The following L3MBTL4 variants were observed in gnomAD, a reference collection of about 807,000 sequenced individuals.
The protein encoded by L3MBTL4 is lethal(3)malignant brain tumor-like protein 4.
In L3MBTL4, 70 loss-of-function variants were observed where a neutral mutation model predicts 84.5. The observed-to-expected ratio is 0.83, with a 90% CI of 0.68 to 1.01. The LOEUF (loss-of-function observed/expected upper bound fraction) is 1.01. Ranked by LOEUF, L3MBTL4 falls within the 50% of genes least tolerant of loss-of-function variation. The pLI, the probability that L3MBTL4 is intolerant of heterozygous loss-of-function variation, is 0.00. For synonymous variants in L3MBTL4, 274 were observed against 259.8 expected, an observed-to-expected ratio of 1.05 and a Z score of -0.52; for missense variants, 715 against 754.8, an observed-to-expected ratio of 0.95 and a Z score of 0.62.
At chr18:6,148,420 A>G (rs1343383148) in intron 13 of L3MBTL4, among the ~76,000 whole-genome samples, 1 of 152,156 alleles carries the variant, frequency 6.6e-6, no homozygotes, top group African/African-American at 2.4e-5. Context: ...ATGTAGAAGC[A>G]TAAGATTTTG....
chr18:6,261,770 G>T (rs1165802412), intron 5 of L3MBTL4, among the ~76,000 whole-genome samples: 1 of 152,114 alleles, frequency 6.6e-6, no homozygotes, highest in African/African-American at 2.4e-5. Context: ...TCTTGCTCTG[G>T]CTGATGGGGC....
intron 16 of L3MBTL4, among the ~76,000 whole-genome samples, chr18:6,056,597 A>G (rs972200572): frequency 6.6e-6 from 1 of 152,134 alleles, no homozygotes; most frequent in African/African-American, 2.4e-5. Flanking sequence ...TGCGACAGGC[A>G]AGGAGACTCA....
chr18:5,996,822 T>C (rs1006006306), intron 16 of L3MBTL4, among the ~76,000 whole-genome samples: 1 of 152,190 alleles, frequency 6.6e-6, no homozygotes, highest in Non-Finnish European at 1.5e-5. Flanking sequence ...ACTTAAGCCC[T>C]ATTTAGATAC....
chr18:6,238,308 C>T (rs961549826), intron 9 of L3MBTL4, among the ~76,000 whole-genome samples: 6 of 152,110 alleles, frequency 3.9e-5, no homozygotes, highest in East Asian at 1.9e-4. Flanking sequence ...CCGAGACAGG[C>T]GGATCATGAG....
intron 5 of L3MBTL4, among the ~76,000 whole-genome samples, chr18:6,262,784 T>A (rs1023129302): frequency 6.6e-6 from 1 of 152,134 alleles, no homozygotes; most frequent in Non-Finnish European, 1.5e-5. Context: ...CAAAAGGACA[T>A]GCATCATTTC....
intron 4 of L3MBTL4, among the ~76,000 whole-genome samples, chr18:6,285,886 C>T (rs2049555239): frequency 6.6e-6 from 1 of 150,776 alleles, no homozygotes; most frequent in African/African-American, 2.4e-5. Flanking sequence ...GGCTGGAGTG[C>T]AGTGGTGCAA....
In L3MBTL4 at chr18:6,155,862, T is replaced by C. The variant is rs569521008; in HGVS notation, c.1096+15966A>G. On this transcript the variant is annotated intron_variant, in intron 13 of 18. Transcript: ENST00000317931. ...ATACAGCTCTCTTTCAGAATGCAAA[T>C]ACATAATGTTTACATTAAAAATACT... 2.0e-5 allele frequency among the ~76,000 whole-genome samples: 3 copies of C among 152,282 alleles called. No individual in the cohort carries two copies. The East Asian group carries it at 5.8e-4, about 29-fold the overall frequency.
At chr18:6,404,593 C>T (rs73375051) in intron 1 of L3MBTL4, among the ~76,000 whole-genome samples, 24,016 of 152,090 alleles carry the variant, frequency 0.16, 1,919 homozygotes, top group African/African-American at 0.17. Flanking sequence ...ACCTTCATTA[C>T]GGAAACCTTG....
intron 16 of L3MBTL4, among the ~76,000 whole-genome samples, chr18:6,018,218 C>T (rs936493205): frequency 7.9e-5 from 12 of 152,118 alleles, no homozygotes; most frequent in African/African-American, 1.7e-4. Flanking sequence ...GCTGGAAAGT[C>T]GAACCGAGGC....
At chr18:6,352,856 G>C (rs556599499) in intron 1 of L3MBTL4, among the ~76,000 whole-genome samples, 11 of 152,244 alleles carry the variant, frequency 7.2e-5, no homozygotes, top group African/African-American at 2.6e-4. Context: ...ACTTTAAATG[G>C]TCAAAAATAT....
At position 6,016,665 on chromosome 18, in the gene L3MBTL4, C is replaced by A. The variant is rs565243657; in HGVS notation, c.1445-47103G>T. On this transcript the variant is annotated intron_variant, in intron 16 of 18. Coordinates refer to ENST00000317931, the MANE Select transcript of L3MBTL4 (RefSeq NM_001330559.2). Reference sequence around the variant, plus strand: ...TTCTGAGTCTCCAAAGTCTATTATACCACTCTGCATGCTTGGCAAACAGGT... The same window carrying A: ...TTCTGAGTCTCCAAAGTCTATTATAACACTCTGCATGCTTGGCAAACAGGT... 1.7e-4 allele frequency among the ~76,000 whole-genome samples: 26 copies of A among 152,318 alleles called. No individual in the cohort carries two copies. The South Asian group carries it at 4.1e-3, about 24-fold the overall frequency.
intron 5 of L3MBTL4, among the ~76,000 whole-genome samples, chr18:6,247,434 G>GT (rs2047716152): frequency 9.7e-6 from 1 of 103,134 alleles, no homozygotes. Flanking sequence ...GCACTGACAT[G>GT]TTTTTAAGAA....
In L3MBTL4 at chr18:6,072,882, ATATATATATATATATAT is replaced by A. The variant is rs1430338377; in HGVS notation, c.1444+7982_1444+7998del. On this transcript the variant is annotated intron_variant, in intron 16 of 18. Coordinates refer to ENST00000317931, the MANE Select transcript of L3MBTL4 (RefSeq NM_001330559.2). ...CTCCGTCTCAAAAAAAAAAAAAAAA[ATATATATATATATATAT>A]ATATATATATATATATATATATATA... Among the ~76,000 whole-genome samples, 30 of 16,692 alleles carry A rather than the reference ATATATATATATATATAT, an allele frequency of 1.8e-3. 6 individuals are homozygous for A. The highest frequency in any genetic ancestry group is 6.9e-3 in the East Asian group (3 of 436). The allele number at this position is 16,692 out of a possible 152,430, so 11.0% of individuals were successfully genotyped here. A position where few individuals can be genotyped will look rare whatever the true frequency, so the allele number is the denominator to read the frequency against.
rs1057349646 is a variant in L3MBTL4, at chr18:6,364,398, C to T, written c.-91+50403G>A. On this transcript the variant is annotated intron_variant, in intron 1 of 18. Transcript: ENST00000317931. ...TAAGACATGCATAATACTAAAAGCA[C>T]CTTTGGGTCCTTAGTAGTTTTTAAA... Among the ~76,000 whole-genome samples, 11 of 151,920 alleles carry T rather than the reference C, an allele frequency of 7.2e-5. No homozygotes were observed. In the East Asian group the frequency reaches 1.9e-3, roughly 27 times the overall value.
At chr18:6,358,537 CA>C (rs1031582727) in intron 1 of L3MBTL4, among the ~76,000 whole-genome samples, 26 of 152,182 alleles carry the variant, frequency 1.7e-4, no homozygotes, top group African/African-American at 6.3e-4. Context: ...GGAAGTCACC[CA>C]AAAAGAAAGA....
chr18:6,099,512 A>G (rs1423603959), intron 14 of L3MBTL4, among the ~76,000 whole-genome samples: 1 of 147,296 alleles, frequency 6.8e-6, no homozygotes, highest in Non-Finnish European at 1.5e-5. Context: ...CATGATTTTT[A>G]TTACATTGTC....
intron 17 of L3MBTL4, among the ~76,000 whole-genome samples, chr18:5,968,858 G>C (rs1236587341): frequency 6.6e-6 from 1 of 152,128 alleles, no homozygotes; most frequent in African/African-American, 2.4e-5. Flanking sequence ...TAAATGAAGC[G>C]AAGGTGGGCC....
In L3MBTL4 at chr18:6,264,039, C is replaced by A. The variant is rs747714893; in HGVS notation, c.128-1G>T. 1.9e-6 allele frequency: 3 copies of A among 1,605,996 alleles called. No individual in the cohort carries two copies. Among genetic ancestry groups the A allele is most frequent in the African/African-American group, 1.3e-5 (1 of 74,760 alleles). On this transcript the variant is annotated splice_acceptor_variant, in intron 4 of 18. Coordinates refer to ENST00000317931, the MANE Select transcript of L3MBTL4 (RefSeq NM_001330559.2). LOFTEE classifies it high-confidence loss of function. The stretch of plus-strand genomic sequence containing the variant: ...GCTCCCTGTGCAGCCGCTGAAGGGA[C>A]TGGAAGAGAAAACACAATGACTTTT...
intron 3 of L3MBTL4, among the ~76,000 whole-genome samples, chr18:6,303,279 C>A (rs184118136): frequency 6.6e-6 from 1 of 151,990 alleles, no homozygotes; most frequent in Non-Finnish European, 1.5e-5. Flanking sequence ...CACCACCACA[C>A]TCGGCTAATT....
Sources: allele counts gnomAD v4.1 joint callset (sites outside exome capture counted in the v4.1 genomes callset), GRCh38; gene constraint gnomAD v4.1.1; transcripts MANE v1.5; gene names NCBI Gene and HGNC (gene_info 2026-07-23, HGNC 2026-07-21).